Variants in SNTG1 observed in about 807,000 individuals in gnomAD.
The protein encoded by SNTG1 is gamma-1-syntrophin.
In SNTG1, 39 loss-of-function variants were observed where a neutral mutation model predicts 74.7. That is an observed-to-expected ratio of 0.52 (90% CI 0.40 to 0.68). SNTG1 has a LOEUF of 0.68. Ranked by LOEUF, SNTG1 falls within the 30% of genes least tolerant of loss-of-function variation. The pLI is 0.00. For missense variants in SNTG1, 685 were observed against 609.5 expected, an observed-to-expected ratio of 1.12 and a Z score of -1.30; for synonymous variants, 254 against 217.1, an observed-to-expected ratio of 1.17 and a Z score of -1.49.
chr8:50,266,760 C>A (rs1447251338), intron 2 of SNTG1, among the ~76,000 whole-genome samples: 2 of 145,968 alleles, frequency 1.4e-5, no homozygotes, highest in African/African-American at 5.0e-5. Flanking sequence ...TTAAGCTAAC[C>A]AAAAAAAGCG....
chr8:50,217,941 A>T (rs1241939831), intron 2 of SNTG1, among the ~76,000 whole-genome samples: 1 of 152,162 alleles, frequency 6.6e-6, no homozygotes, highest in Non-Finnish European at 1.5e-5. Flanking sequence ...AAAGACTTTC[A>T]TTCCTGGTTC....
At chr8:50,217,351 C>T (rs1004433983) in intron 2 of SNTG1, among the ~76,000 whole-genome samples, 1 of 151,920 alleles carries the variant, frequency 6.6e-6, no homozygotes, top group Admixed American at 6.6e-5. Context: ...ACTGGGAAGA[C>T]AGCCCAAAGG....
At chr8:50,757,030 C>G (rs1449364825) in intron 18 of SNTG1, among the ~76,000 whole-genome samples, 1 of 151,434 alleles carries the variant, frequency 6.6e-6, no homozygotes, top group Non-Finnish European at 1.5e-5. Context: ...AATATCTTTC[C>G]CTTTTTTATA....
intron 12 of SNTG1, among the ~76,000 whole-genome samples, chr8:50,576,771 T>C (rs2094579048): frequency 6.6e-6 from 1 of 152,126 alleles, no homozygotes; most frequent in Non-Finnish European, 1.5e-5. Flanking sequence ...TTCATTGTTA[T>C]TACATAGAAA....
At chr8:50,155,308 G>A (rs1586514537) in intron 1 of SNTG1, among the ~76,000 whole-genome samples, 1 of 152,212 alleles carries the variant, frequency 6.6e-6, no homozygotes, top group African/African-American at 2.4e-5. Flanking sequence ...AGTTGCAAAG[G>A]CAATTCATTA....
intron 3 of SNTG1, among the ~76,000 whole-genome samples, chr8:50,398,501 AT>A (rs1051345504): frequency 3.3e-5 from 5 of 152,094 alleles, no homozygotes; most frequent in Admixed American, 1.3e-4. Flanking sequence ...TCCTCAATTA[AT>A]TTTTTTCAAG....
At chr8:50,777,085 T>C (rs553719029) in intron 18 of SNTG1, among the ~76,000 whole-genome samples, 2 of 151,850 alleles carry the variant, frequency 1.3e-5, no homozygotes, top group South Asian at 4.1e-4. Context: ...CCTCTTTGTA[T>C]TTCACTTAGT....
intron 8 of SNTG1, among the ~76,000 whole-genome samples, chr8:50,488,682 C>A (rs561524893): frequency 2.8e-4 from 43 of 152,232 alleles, no homozygotes; most frequent in Non-Finnish European, 5.4e-4. Flanking sequence ...ATGATGACAG[C>A]AAGCCATGTT....
intron 1 of SNTG1, among the ~76,000 whole-genome samples, chr8:50,105,631 G>T (rs1378942379): frequency 6.6e-6 from 1 of 151,932 alleles, no homozygotes; most frequent in Admixed American, 6.6e-5. Context: ...GTGCAGTATG[G>T]CCATTTTGAC....
chr8:50,190,567 A>T (rs1166766757), intron 2 of SNTG1, among the ~76,000 whole-genome samples: 1 of 152,196 alleles, frequency 6.6e-6, no homozygotes, highest in Non-Finnish European at 1.5e-5. Flanking sequence ...GCCATAAATC[A>T]TCACACTGGT....
chr8:50,126,229 A>T (rs1317390090), intron 1 of SNTG1, among the ~76,000 whole-genome samples: 1 of 152,078 alleles, frequency 6.6e-6, no homozygotes, highest in Non-Finnish European at 1.5e-5. Context: ...CACGTGACTA[A>T]ATTTCTAAGA....
intron 1 of SNTG1, among the ~76,000 whole-genome samples, chr8:49,918,470 C>CTTTT: frequency 6.6e-6 from 1 of 152,242 alleles, no homozygotes; most frequent in African/African-American, 2.4e-5. Context: ...CCCTTCTTCC[C>CTTTT]AGAATACAAA....
chr8:50,052,391 G>A (rs1161533340), intron 1 of SNTG1, among the ~76,000 whole-genome samples: 1 of 152,008 alleles, frequency 6.6e-6, no homozygotes, highest in African/African-American at 2.4e-5. Context: ...GAATTAAGTT[G>A]GATGCCTAAT....
At chr8:50,457,785 G>A (rs1205159886) in intron 8 of SNTG1, 1 of 152,244 alleles carries the variant, frequency 6.6e-6, no homozygotes, top group Admixed American at 6.5e-5. Flanking sequence ...TTGAAGAGGT[G>A]TAGCCAAGAA....
intron 13 of SNTG1, among the ~76,000 whole-genome samples, chr8:50,593,188 G>A (rs2094703558): frequency 6.6e-6 from 1 of 152,020 alleles, no homozygotes; most frequent in Non-Finnish European, 1.5e-5. Flanking sequence ...TACCCAGATG[G>A]TACCACTACC....
At chr8:50,651,222 C>CA (rs1420624332) in intron 13 of SNTG1, among the ~76,000 whole-genome samples, 2 of 149,064 alleles carry the variant, frequency 1.3e-5, no homozygotes, top group African/African-American at 2.5e-5. Flanking sequence ...CCAATACTTC[C>CA]TTTTTTTTTG....
chr8:50,038,269 T>C (rs193178718), intron 1 of SNTG1, among the ~76,000 whole-genome samples: 38 of 152,192 alleles, frequency 2.5e-4, no homozygotes, highest in Admixed American at 2.0e-3. Flanking sequence ...AAGAATCGGG[T>C]GGACTAATCG....
chr8:49,987,822 G>A (rs1813316448), intron 1 of SNTG1, among the ~76,000 whole-genome samples: 2 of 151,844 alleles, frequency 1.3e-5, no homozygotes, highest in East Asian at 1.9e-4. Flanking sequence ...CTAATTTTTT[G>A]TAATTTCGGT....
chr8:50,222,511 ACT>A (rs1236618447), intron 2 of SNTG1, among the ~76,000 whole-genome samples: 2 of 151,980 alleles, frequency 1.3e-5, no homozygotes, highest in African/African-American at 4.8e-5. Flanking sequence ...TTCTTTTCTA[ACT>A]CTCTGAAAAT....
Sources: allele counts gnomAD v4.1 joint callset (sites outside exome capture counted in the v4.1 genomes callset), GRCh38; gene constraint gnomAD v4.1.1; transcripts MANE v1.5; gene names NCBI Gene and HGNC (gene_info 2026-07-23, HGNC 2026-07-21).